Variants in MYH14 observed in about 807,000 individuals in gnomAD.
MYH14 encodes myosin-14.
In MYH14, 123 loss-of-function variants were observed where a neutral mutation model predicts 255.5. That is an observed-to-expected ratio of 0.48 (90% confidence interval 0.42 to 0.56). The LOEUF is 0.56. Ranked by LOEUF, MYH14 falls within the 20% of genes least tolerant of loss-of-function variation. MYH14 has a pLI of 0.00. For missense variants in MYH14, 2,423 were observed against 2,802.3 expected (o/e 0.86, Z 3.06); for synonymous variants, 1,095 against 1,161.2 (o/e 0.94, Z 1.16).
chr19:50,215,186 G>A (rs1002817749), intron 2 of MYH14, among the ~76,000 whole-genome samples: 2 of 150,994 alleles, frequency 1.3e-5, no homozygotes, highest in Non-Finnish European at 3.0e-5. Flanking sequence ...TGTCGCCCTG[G>A]AAACAAGGTG....
intron 5 of MYH14, 45 bp downstream of exon 5, chr19:50,223,394 C>A: frequency 7.8e-7 from 1 of 1,283,636 alleles, no homozygotes; most frequent in Non-Finnish European, 1.1e-6. Context: ...TGCCACAGCA[C>A]TGCCCCTTCC....
intron 33 of MYH14, among the ~76,000 whole-genome samples, chr19:50,284,070 C>T (rs182434489): frequency 2.5e-4 from 37 of 145,222 alleles, no homozygotes; most frequent in Middle Eastern, 3.4e-3. Context: ...GAAACTCTGT[C>T]TCAAAAAAAC....
rs1204030202 is a variant in MYH14 at position 50,307,103 on chromosome 19, G to A, written c.5733G>A (p.Glu1911=). The A allele has an allele frequency of 3.9e-6, 6 of 1,550,936 alleles. No individual in the cohort carries two copies. The highest frequency in any genetic ancestry group is 5.2e-6 in the Non-Finnish European group (6 of 1,146,910). ...LVRRAEKRLK[E]VVLQVEEERR... ...GCAGAGCTGAGAAGCGGCTTAAAGA[G>A]GTGGTGCTCCAGGTGGAGGAGGAGC... The change falls in exon 41 of 43, where the codon GAG becomes GAA. Residue 1911 remains glutamate, a synonymous_variant. Coordinates refer to ENST00000642316, the MANE Select transcript of MYH14 (RefSeq NM_001145809.2).
At chr19:50,243,147 G>A (rs1335284840) in intron 10 of MYH14, among the ~76,000 whole-genome samples, 1 of 152,140 alleles carries the variant, frequency 6.6e-6, no homozygotes, top group Admixed American at 6.6e-5. Context: ...ATAAAACAAG[G>A]TGACGAGGCT....
chr19:50,223,430 T>A lies in MYH14; in HGVS notation c.693+81T>A. Reference sequence around the variant, plus strand: ...ATCTTGGGCTTTCCCCACAATTGTCTCTTCCCCTCATGGAGGTCCTTCTCC... The same window carrying A: ...ATCTTGGGCTTTCCCCACAATTGTCACTTCCCCTCATGGAGGTCCTTCTCC... On this transcript the variant is annotated intron_variant, in intron 5 of 42. Transcript: ENST00000642316. 7 of 993,198 alleles carry A rather than the reference T, an allele frequency of 7.0e-6. No individual in the cohort carries two copies. The South Asian group carries it at 9.6e-5, about 14-fold the overall frequency. The allele number at this position is 993,198 out of a possible 1,614,324, so 61.5% of individuals were successfully genotyped here. A position where few individuals can be genotyped will look rare whatever the true frequency, so the allele number is the denominator to read the frequency against.
chr19:50,275,957 C>G, intron 27 of MYH14, 34 bp from the exon 28 acceptor site: 1 of 1,561,978 alleles, frequency 6.4e-7, no homozygotes, highest in East Asian at 2.3e-5. Flanking sequence ...CTGGCCTGCC[C>G]CTGTATCAAC....
intron 1 of MYH14, among the ~76,000 whole-genome samples, chr19:50,206,948 T>C (rs2031791709): frequency 6.7e-6 from 1 of 148,882 alleles, no homozygotes; most frequent in Non-Finnish European, 1.5e-5. Flanking sequence ...GCGTAGTGGC[T>C]CATGTCTGTA....
At position 50,255,315 on chromosome 19, in the gene MYH14, G is replaced by C. The variant is rs75915336; in HGVS notation, c.2041G>C (p.Gly681Arg). 7,483 of 1,550,188 alleles carry C rather than the reference G, an allele frequency of 4.8e-3. 316 individuals carry two copies. The African/African-American group carries it at 0.089, about 19-fold the overall frequency. ...ERCSSAISPP[G>R]VEGIVGLEQV... is the part of the protein sequence containing the mutation. ...GTGCAGCTCTGCTATTTCTCCGCCA[G>C]GGGGTGGGTGTCTCTGTGCATCGAT... Residue 681 changes from glycine to arginine, a missense_variant, in exon 17 of 43, where the codon GGG (glycine) becomes CGG (arginine). By Grantham distance (125) the Gly-to-Arg change is moderately radical. This residue lies in a region of MYH14 where 672 missense variants were observed against 881.8 expected (regional missense o/e 0.76). Coordinates refer to ENST00000642316, the MANE Select transcript of MYH14 (RefSeq NM_001145809.2).
intron 33 of MYH14, chr19:50,285,328 C>T (rs566152967): frequency 1.2e-4 from 19 of 152,314 alleles, no homozygotes; most frequent in Admixed American, 9.2e-4. Flanking sequence ...ATCTATACAA[C>T]GGTTTTGGAA....
intron 20 of MYH14, 67 bp downstream of exon 20, chr19:50,260,782 T>A (rs569460445): frequency 8.2e-7 from 1 of 1,214,420 alleles, no homozygotes; most frequent in Non-Finnish European, 1.2e-6. Flanking sequence ...TGTGCGTGCA[T>A]GTGTGTGTGC....
chr19:50,297,099 C>T (rs192222897), intron 39 of MYH14, among the ~76,000 whole-genome samples: 1 of 152,178 alleles, frequency 6.6e-6, no homozygotes, highest in African/African-American at 2.4e-5. Context: ...GATTCTCCTG[C>T]CTCAGCCTCC....
At position 50,221,915 on chromosome 19, in the gene MYH14, A is replaced by C. The variant is rs1278784556; in HGVS notation, c.563-1168A>C. 6.6e-6 allele frequency among the ~76,000 whole-genome samples: 1 copy of C among 151,984 alleles called. No individual in the cohort carries two copies. Among genetic ancestry groups the C allele is most frequent in the Non-Finnish European group, 1.5e-5 (1 of 68,002 alleles). On this transcript the variant is annotated intron_variant, in intron 3 of 42. Transcript: ENST00000642316. The surrounding 1 kb of genome is among the most constrained non-coding windows in gnomAD (Gnocchi z 5.3). ...GCCCTCTGCCTGAAATGCCACCTCC[A>C]CTGAGAAGCCTTCCCTGCTCCTTCC...
chr19:50,264,235 G>A (rs2035001838), intron 22 of MYH14, among the ~76,000 whole-genome samples: 3 of 152,134 alleles, frequency 2.0e-5, no homozygotes, highest in Admixed American at 1.3e-4. Flanking sequence ...AACCAGGGAA[G>A]CTCACCTGAG....
rs766424975 is a variant in MYH14, at chr19:50,309,182, G to C, written c.5960+5G>C. The C allele has an allele frequency of 6.2e-7, 1 of 1,613,650 alleles. No homozygotes were observed. Among genetic ancestry groups the C allele is most frequent in the Admixed American group, 1.7e-5 (1 of 60,008 alleles). ...CACACTGAGGAACCGGCTTCGGTATGGTCATCCCACGTACAGGCCTGACGG... is the reference window on the plus strand; with the variant it reads ...CACACTGAGGAACCGGCTTCGGTATCGTCATCCCACGTACAGGCCTGACGG... On this transcript the variant is annotated splice_donor_5th_base_variant and intron_variant, in intron 42 of 42. Coordinates refer to ENST00000642316, the MANE Select transcript of MYH14 (RefSeq NM_001145809.2).
At chr19:50,251,537 C>T (rs879432024) in intron 15 of MYH14, among the ~76,000 whole-genome samples, 10,446 of 116,814 alleles carry the variant, frequency 0.089, 540 homozygotes, top group Admixed American at 0.15. Context: ...CACACACACA[C>T]ACACACACAC....
At chr19:50,262,309 G>A (rs1032594110) in intron 21 of MYH14, among the ~76,000 whole-genome samples, 2 of 152,160 alleles carry the variant, frequency 1.3e-5, no homozygotes, top group African/African-American at 4.8e-5. Flanking sequence ...TGTAATCCCA[G>A]CACATTGGGA....
intron 33 of MYH14, chr19:50,285,392 G>A (rs895123355): frequency 6.6e-5 from 10 of 152,132 alleles, no homozygotes; most frequent in African/African-American, 1.9e-4. Flanking sequence ...GGGTATATAC[G>A]TCCATTGAAA....
Position 50,281,694 on chromosome 19 carries a change from A to G in MYH14, c.4391A>G (p.Gln1464Arg), listed in dbSNP as rs1362579489. 1 of 1,612,046 alleles carries G rather than the reference A, an allele frequency of 6.2e-7. No homozygotes were observed. The highest frequency in any genetic ancestry group is 8.5e-7 in the Non-Finnish European group (1 of 1,179,548). Residue 1464 changes from glutamine (Q) to arginine (R), a missense_variant, in exon 33 of 43, where the codon CAG (glutamine) becomes CGG (arginine). Coordinates refer to ENST00000642316, the MANE Select transcript of MYH14 (RefSeq NM_001145809.2). Reference protein sequence around the residue: ...RAAREAEALTQRLAEKTETVD... With the variant: ...RAAREAEALTRRLAEKTETVD... ...GCCCGGGAGGCCGAGGCCCTGACCCAGCGCCTGGCAGAAAAGACAGAGACC... is the reference window on the plus strand; with the variant it reads ...GCCCGGGAGGCCGAGGCCCTGACCCGGCGCCTGGCAGAAAAGACAGAGACC...
At chr19:50,260,788 T>G (rs1209878107) in intron 20 of MYH14, 73 bp downstream of exon 20, 1 of 1,151,726 alleles carries the variant, frequency 8.7e-7, no homozygotes, top group African/African-American at 1.6e-5. Context: ...TGCATGTGTG[T>G]GTGCATGCAT....
Sources: allele counts gnomAD v4.1 joint callset (sites outside exome capture counted in the v4.1 genomes callset), GRCh38; gene constraint gnomAD v4.1.1; regional missense constraint gnomAD v4.1.1; non-coding constraint Gnocchi (gnomAD v3.1); transcripts MANE v1.5; gene names NCBI Gene and HGNC (gene_info 2026-07-23, HGNC 2026-07-21).